PTCH1: variants seen among roughly 807,000 people sequenced by gnomAD.
The protein encoded by PTCH1 is patched 1.
A neutral mutation model predicts 144.6 loss-of-function variants in PTCH1; 14 were observed. The ratio of observed to expected loss-of-function variants is 0.10; its 90% confidence interval spans 0.06 to 0.15. PTCH1 has a LOEUF of 0.15. Among genes scored for constraint, PTCH1 ranks in the 10% least tolerant of loss-of-function variants. The pLI, the probability that PTCH1 is intolerant of heterozygous loss-of-function variation, is 1.00. For missense variants in PTCH1, 1,623 were observed against 1,948.3 expected (o/e 0.83, Z 3.14); for synonymous variants, 833 against 793.6 (o/e 1.05, Z -0.83).
At chr9:95,478,966 G>C in intron 8 of PTCH1, 34 bp downstream of exon 8, 1 of 1,613,826 alleles carries the variant, frequency 6.2e-7, no homozygotes, top group Admixed American at 1.7e-5. Context: ...TGCATAACCA[G>C]CGAGTCTGCA....
At chr9:95,500,090 C>T (rs1317355464) in intron 2 of PTCH1, among the ~76,000 whole-genome samples, 1 of 152,192 alleles carries the variant, frequency 6.6e-6, no homozygotes, top group Non-Finnish European at 1.5e-5. Flanking sequence ...CTTGTCCAGC[C>T]AGCATTAATC....
intron 3 of PTCH1, chr9:95,484,442 C>T (rs1334700015): frequency 6.6e-6 from 1 of 152,168 alleles, no homozygotes; most frequent in East Asian, 1.9e-4. Flanking sequence ...TGTGACTCGA[C>T]CCTGGCTGTG....
At chr9:95,473,017 G>A (rs192403293) in intron 12 of PTCH1, among the ~76,000 whole-genome samples, 3 of 152,334 alleles carry the variant, frequency 2.0e-5, no homozygotes, top group South Asian at 4.1e-4. Context: ...ACATGCAGAG[G>A]AGGTTCCACT....
At chr9:95,477,395 G>T in intron 10 of PTCH1, 152 bp downstream of exon 10, 1 of 1,086,808 alleles carries the variant, frequency 9.2e-7, no homozygotes, top group Non-Finnish European at 1.4e-6. Flanking sequence ...TCAAGAGACA[G>T]CATTCCCCTG....
chr9:95,458,437 T>C lies in PTCH1; in HGVS notation c.2888-144A>G. 9 of 1,077,636 alleles carry C rather than the reference T, an allele frequency of 8.4e-6. No homozygotes were observed. The highest frequency in any genetic ancestry group is 1.2e-5 in the Non-Finnish European group (9 of 729,448). The allele number at this position is 1,077,636 out of a possible 1,614,324, so 66.8% of individuals were successfully genotyped here. ...AGAACAAACAATGCTGATCATAGCCTCCAGGCCTTTACGATCTTCCCATTT... is the reference window on the plus strand; with the variant it reads ...AGAACAAACAATGCTGATCATAGCCCCCAGGCCTTTACGATCTTCCCATTT... On this transcript the variant is annotated intron_variant, in intron 17 of 23. Transcript: ENST00000331920. This position sits in a 1 kb window ranked among gnomAD's most constrained non-coding sequence, Gnocchi z 4.7.
chr9:95,491,569 G>A (rs1190378846), intron 2 of PTCH1, among the ~76,000 whole-genome samples: 1 of 152,284 alleles, frequency 6.6e-6, no homozygotes, highest in East Asian at 1.9e-4. Flanking sequence ...GCAGAGTTTG[G>A]GTGGCTTGCC....
In PTCH1 at chr9:95,476,619, G is replaced by T. The variant is rs1333081496; in HGVS notation, c.1602+140C>A. 6 of 839,030 alleles carry T rather than the reference G, an allele frequency of 7.2e-6. No individual in the cohort carries two copies. The highest frequency in any genetic ancestry group is 6.8e-5 in the African/African-American group (4 of 58,914). 52.0% of individuals were successfully genotyped at this position (839,030 alleles called of 1,614,324 possible). A position where few individuals can be genotyped will look rare whatever the true frequency, so the allele number is the denominator to read the frequency against. ...TGAGAGTCTTCCAGCTTATTTCATTGACTGGCAGCCAGTGACACATCATCT... is the reference window on the plus strand; with the variant it reads ...TGAGAGTCTTCCAGCTTATTTCATTTACTGGCAGCCAGTGACACATCATCT... On this transcript the variant is annotated intron_variant, in intron 11 of 23. Coordinates refer to ENST00000331920, the MANE Select transcript of PTCH1 (RefSeq NM_000264.5). The surrounding 1 kb of genome is among the most constrained non-coding windows in gnomAD (Gnocchi z 4.6).
intron 15 of PTCH1, among the ~76,000 whole-genome samples, chr9:95,464,726 G>A (rs775878873): frequency 1.3e-5 from 2 of 152,066 alleles, no homozygotes; most frequent in East Asian, 1.9e-4. Flanking sequence ...TTGTAATGTC[G>A]ATAAAGACCA....
intron 2 of PTCH1, among the ~76,000 whole-genome samples, chr9:95,489,850 G>T (rs937789769): frequency 1.5e-4 from 23 of 150,790 alleles, no homozygotes; most frequent in Non-Finnish European, 2.4e-4. Flanking sequence ...GCCCAGGCTG[G>T]AGTGCAGTGG....
intron 15 of PTCH1, among the ~76,000 whole-genome samples, 178 bp downstream of exon 15, chr9:95,466,938 A>C (rs1840051815): frequency 6.6e-6 from 1 of 152,250 alleles, no homozygotes; most frequent in Non-Finnish European, 1.5e-5. Flanking sequence ...GGTAAAAGCC[A>C]GATCTGGGAG....
intron 12 of PTCH1, among the ~76,000 whole-genome samples, chr9:95,470,674 A>G (rs481783): frequency 6.6e-6 from 1 of 152,186 alleles, no homozygotes; most frequent in East Asian, 1.9e-4. Context: ...AGCCAACAGA[A>G]GCCGGTGGAA....
chr9:95,473,689 C>T (rs941583474), intron 12 of PTCH1, among the ~76,000 whole-genome samples: 8 of 152,168 alleles, frequency 5.3e-5, no homozygotes, highest in African/African-American at 1.7e-4. Context: ...GGATTACAGG[C>T]GTGAGCCACC....
chr9:95,461,782 C>G (rs1049165232), intron 16 of PTCH1, 74 bp downstream of exon 16: 23 of 1,596,006 alleles, frequency 1.4e-5, no homozygotes, highest in Non-Finnish European at 2.0e-5. Context: ...GGGTCACACG[C>G]TGTCAAGCAG....
intron 19 of PTCH1, 71 bp downstream of exon 19, chr9:95,456,205 T>G: frequency 1.2e-6 from 2 of 1,600,378 alleles, no homozygotes; most frequent in Non-Finnish European, 1.7e-6. Flanking sequence ...AGGTTCCCAC[T>G]TGGAGACAAA....
chr9:95,514,079 C>T (rs1043737292), upstream of PTCH1: 2 of 152,136 alleles, frequency 1.3e-5, no homozygotes, highest in African/African-American at 2.4e-5. Flanking sequence ...TAAATACTAG[C>T]TTGAAAGGGG....
chr9:95,458,279 G>C lies in PTCH1; in HGVS notation c.2902C>G (p.Pro968Ala), dbSNP rs1839138904. 1.2e-6 allele frequency: 2 copies of C among 1,613,738 alleles called. No homozygotes were observed. Among genetic ancestry groups the C allele is most frequent in the Non-Finnish European group, 1.7e-6 (2 of 1,179,998 alleles). ...AAAGGGAACTGGGCATACTCGATGG[G>C]CTCTGCTGCCGGGACTGGACAGAGA... Reference protein sequence around the residue: ...ETRLRIPAAEPIEYAQFPFYL... With the variant: ...ETRLRIPAAEAIEYAQFPFYL... The change falls in exon 18 of 24, where the codon CCC becomes GCC. Residue 968 changes from proline (P) to alanine (A), a missense_variant. By Grantham distance (27) the Pro-to-Ala change is conservative. Around this residue, in one of 7 missense-constraint regions of PTCH1, gnomAD observed 504 missense variants for 679.3 expected, o/e 0.74. Transcript: ENST00000331920. This position sits in a 1 kb window ranked among gnomAD's most constrained non-coding sequence, Gnocchi z 4.7.
chr9:95,471,065 AGAGT>A (rs1228359109), intron 12 of PTCH1, among the ~76,000 whole-genome samples: 1 of 151,688 alleles, frequency 6.6e-6, no homozygotes, highest in African/African-American at 2.4e-5. Flanking sequence ...CCTGGGTGAC[AGAGT>A]GAGAGTCTGT....
At chr9:95,471,367 C>T (rs1213167214) in intron 12 of PTCH1, among the ~76,000 whole-genome samples, 3 of 151,486 alleles carry the variant, frequency 2.0e-5, no homozygotes, top group East Asian at 3.9e-4. Context: ...TAACCTCTTT[C>T]TTCTTGGTCT....
At chr9:95,463,171 A>C (rs1243940019) in intron 15 of PTCH1, among the ~76,000 whole-genome samples, 1 of 96,248 alleles carries the variant, frequency 1.0e-5, no homozygotes, top group Non-Finnish European at 2.6e-5. Context: ...CAAAGGCTTC[A>C]AAAAAAATCT....
Sources: gnomAD v4.1 joint callset for allele counts (sites outside exome capture counted in the v4.1 genomes callset) on GRCh38, gnomAD v4.1.1 for gene constraint, gnomAD v4.1.1 regional missense constraint, Gnocchi (gnomAD v3.1) non-coding constraint, MANE v1.5 for transcripts, NCBI Gene and HGNC (gene_info 2026-07-23, HGNC 2026-07-21) for gene names.